The following ADCY1 variants were observed in gnomAD, a reference collection of about 807,000 sequenced individuals.
The protein encoded by ADCY1 is adenylate cyclase type 1.
Under a neutral mutation model 105.4 loss-of-function variants are expected in ADCY1, and 28 were observed. The ratio of observed to expected loss-of-function variants is 0.27; its 90% CI spans 0.20 to 0.36. ADCY1 has a LOEUF of 0.36. Among genes scored for constraint, ADCY1 ranks in the 10% least tolerant of loss-of-function variants. The probability of loss-of-function intolerance (pLI) is 1.00; values close to 1 mark genes in which losing one functional copy is unlikely to be tolerated. For synonymous variants in ADCY1, 655 were observed against 623.8 expected, an observed-to-expected ratio of 1.05 and a Z score of -0.75; for missense variants, 977 against 1,434.2, an observed-to-expected ratio of 0.68 and a Z score of 5.15.
chr7:45,695,657 G>C (rs1413260620), intron 14 of ADCY1, among the ~76,000 whole-genome samples: 1 of 152,208 alleles, frequency 6.6e-6, no homozygotes, highest in Admixed American at 6.5e-5. Context: ...TTAGAAGGAC[G>C]CAGCATAACT....
chr7:45,597,140 G>T (rs1043283350), intron 2 of ADCY1, among the ~76,000 whole-genome samples: 1 of 152,076 alleles, frequency 6.6e-6, no homozygotes, highest in African/African-American at 2.4e-5. Context: ...GCACAGCAGG[G>T]TACTGCTGTT....
chr7:45,643,528 A>G (rs555877186), intron 4 of ADCY1, among the ~76,000 whole-genome samples: 52 of 152,142 alleles, frequency 3.4e-4, no homozygotes, highest in African/African-American at 1.2e-3. Context: ...TCTACCAGAC[A>G]TACAGTCAAA....
intron 4 of ADCY1, among the ~76,000 whole-genome samples, chr7:45,634,938 A>G (rs1794359106): frequency 6.6e-6 from 1 of 152,242 alleles, no homozygotes; most frequent in Non-Finnish European, 1.5e-5. Flanking sequence ...CATGGTGTCA[A>G]GATAATGCTT....
intron 8 of ADCY1, among the ~76,000 whole-genome samples, chr7:45,666,243 G>A (rs1032742808): frequency 6.6e-6 from 1 of 151,934 alleles, no homozygotes; most frequent in African/African-American, 2.4e-5. Flanking sequence ...CCATTAACTC[G>A]TCATTTACAT....
intron 19 of ADCY1, among the ~76,000 whole-genome samples, chr7:45,711,191 A>G (rs1197545122): frequency 1.3e-5 from 2 of 152,136 alleles, no homozygotes; most frequent in Non-Finnish European, 2.9e-5. Context: ...CCCTTGGAAC[A>G]AATTTGAAAC....
chr7:45,660,501 G>T (rs1795065870), intron 7 of ADCY1, among the ~76,000 whole-genome samples: 1 of 152,368 alleles, frequency 6.6e-6, no homozygotes, highest in East Asian at 1.9e-4. Context: ...CCCCGCAGGG[G>T]GGCCAGGGAT....
intron 8 of ADCY1, among the ~76,000 whole-genome samples, chr7:45,668,284 C>G (rs1441261182): frequency 6.6e-6 from 1 of 151,942 alleles, no homozygotes; most frequent in East Asian, 1.9e-4. Flanking sequence ...ATAGCTCTTA[C>G]TATTTTGAGA....
At chr7:45,664,835 C>T (rs1795227233) in intron 8 of ADCY1, among the ~76,000 whole-genome samples, 1 of 152,082 alleles carries the variant, frequency 6.6e-6, no homozygotes, top group South Asian at 2.1e-4. Flanking sequence ...CATAGGTATA[C>T]ATGTTCCATG....
At chr7:45,639,058 CCT>C (rs146573482) in intron 4 of ADCY1, among the ~76,000 whole-genome samples, 130 of 152,228 alleles carry the variant, frequency 8.5e-4, no homozygotes, top group Non-Finnish European at 1.6e-3. Flanking sequence ...GCAAGTGGCC[CCT>C]GTGACGTGCA....
chr7:45,654,753 A>C (rs1000469357), intron 5 of ADCY1, among the ~76,000 whole-genome samples: 2 of 152,252 alleles, frequency 1.3e-5, no homozygotes, highest in African/African-American at 4.8e-5. Flanking sequence ...GCCTGTGTGC[A>C]CACACTTCTA....
At chr7:45,704,267 C>A (rs929260775) in intron 16 of ADCY1, among the ~76,000 whole-genome samples, 5 of 152,146 alleles carry the variant, frequency 3.3e-5, no homozygotes, top group African/African-American at 7.2e-5. Context: ...AGCCCCACCA[C>A]GCCTTGTCAT....
At chr7:45,613,802 C>A (rs1249894423) in intron 3 of ADCY1, among the ~76,000 whole-genome samples, 1 of 152,120 alleles carries the variant, frequency 6.6e-6, no homozygotes, top group Admixed American at 6.5e-5. Flanking sequence ...TACAACAGAA[C>A]CAGCGTAGGA....
At chr7:45,671,655 G>T (rs990831517) in intron 8 of ADCY1, among the ~76,000 whole-genome samples, 6 of 151,782 alleles carry the variant, frequency 4.0e-5, no homozygotes, top group African/African-American at 1.5e-4. Context: ...ATTTTATTTT[G>T]GCATTTCACT....
chr7:45,612,368 G>T lies in ADCY1; in HGVS notation c.908+1871G>T, dbSNP rs549988613. On this transcript the variant is annotated intron_variant, in intron 3 of 19. Transcript: ENST00000297323. ...TTAGGTTCAACAAAGTGAAAGGTAT[G>T]CAGGACTCCCTGGCCAGTGAGTGGC... is the stretch of plus-strand genomic sequence containing the variant. Among the ~76,000 whole-genome samples, 26 of 152,316 alleles carry T rather than the reference G, an allele frequency of 1.7e-4. 1 individual carries two copies. In the South Asian group the frequency reaches 5.2e-3, roughly 30 times the overall value.
At chr7:45,713,404 A>G (rs765897935) in intron 19 of ADCY1, among the ~76,000 whole-genome samples, 1 of 151,942 alleles carries the variant, frequency 6.6e-6, no homozygotes, top group Non-Finnish European at 1.5e-5. Flanking sequence ...GCCTCCTCCT[A>G]TTGTCCAGGG....
intron 1 of ADCY1, among the ~76,000 whole-genome samples, chr7:45,576,758 C>T (rs1017693275): frequency 2.0e-5 from 3 of 152,060 alleles, no homozygotes; most frequent in Non-Finnish European, 4.4e-5. Flanking sequence ...AGACCCGCAA[C>T]CGCAAGACGG....
chr7:45,709,225 G>A (rs980996739), intron 18 of ADCY1, among the ~76,000 whole-genome samples: 3 of 152,166 alleles, frequency 2.0e-5, no homozygotes, highest in African/African-American at 7.2e-5. Context: ...CAGAGGGCAG[G>A]GGCAGAGTGA....
intron 7 of ADCY1, among the ~76,000 whole-genome samples, chr7:45,660,774 G>A (rs942708605): frequency 6.9e-6 from 1 of 145,248 alleles, no homozygotes; most frequent in African/African-American, 2.6e-5. Flanking sequence ...AGGTGAGGGT[G>A]CAGGGCTCAG....
At chr7:45,648,106 A>G (rs1794712159) in intron 4 of ADCY1, among the ~76,000 whole-genome samples, 3 of 152,238 alleles carry the variant, frequency 2.0e-5, no homozygotes, top group Admixed American at 1.3e-4. Flanking sequence ...ACCACTGTAC[A>G]GACGAGCAGA....
Sources: gnomAD v4.1 joint callset for allele counts (sites outside exome capture counted in the v4.1 genomes callset) on GRCh38, gnomAD v4.1.1 for gene constraint, MANE v1.5 for transcripts, NCBI Gene and HGNC (gene_info 2026-07-23, HGNC 2026-07-21) for gene names.